ZNF521: variants seen among roughly 807,000 people sequenced by gnomAD.
ZNF521 encodes LYST-interacting protein 3.
Under a neutral mutation model 105.5 loss-of-function variants are expected in ZNF521, and 14 were observed. That is an observed-to-expected ratio of 0.13 (90% CI 0.09 to 0.21). The LOEUF is 0.21. Ranked by LOEUF, ZNF521 falls within the 10% of genes least tolerant of loss-of-function variation. ZNF521 has a pLI of 1.00. For missense variants in ZNF521, 1,233 were observed against 1,629.7 expected (o/e 0.76, Z 4.19); for synonymous variants, 635 against 606.0 (o/e 1.05, Z -0.70).
intron 5 of ZNF521, among the ~76,000 whole-genome samples, chr18:25,173,991 TAC>T (rs1490030230): frequency 6.6e-6 from 1 of 152,184 alleles, no homozygotes; most frequent in East Asian, 1.9e-4. Flanking sequence ...AGACTGAAAA[TAC>T]AGAGCACTAA....
chr18:25,284,910 G>GCGCGCACACA (rs1555658165), intron 3 of ZNF521, among the ~76,000 whole-genome samples: 4 of 148,602 alleles, frequency 2.7e-5, no homozygotes, highest in African/African-American at 9.8e-5. Flanking sequence ...GTGCGCGCGC[G>GCGCGCACACA]CACACACACA....
chr18:25,202,772 A>C (rs1019073711), intron 4 of ZNF521: 4 of 152,364 alleles, frequency 2.6e-5, no homozygotes, highest in Admixed American at 2.6e-4. Context: ...TAACTCAGAC[A>C]TTCTACTAAT....
chr18:25,243,271 C>T (rs995024326), intron 3 of ZNF521, among the ~76,000 whole-genome samples: 1 of 152,066 alleles, frequency 6.6e-6, no homozygotes. Context: ...CTTAAAAAGC[C>T]AAATTAAATG....
At chr18:25,185,342 C>A (rs558798858) in intron 5 of ZNF521, among the ~76,000 whole-genome samples, 1 of 152,078 alleles carries the variant, frequency 6.6e-6, no homozygotes, top group Non-Finnish European at 1.5e-5. Flanking sequence ...AACTGCAAAA[C>A]CACCCAGGGT....
chr18:25,305,932 T>A (rs1911948827), intron 3 of ZNF521, among the ~76,000 whole-genome samples: 1 of 152,252 alleles, frequency 6.6e-6, no homozygotes, highest in Admixed American at 6.5e-5. Flanking sequence ...TACCAGCTCA[T>A]TTAATTGCCA....
chr18:25,280,169 C>CA (rs879767022), intron 3 of ZNF521, among the ~76,000 whole-genome samples: 12 of 152,340 alleles, frequency 7.9e-5, no homozygotes, highest in Non-Finnish European at 1.3e-4. Context: ...GCAGCCCTGA[C>CA]AGATGGCCCT....
Position 25,224,533 on chromosome 18 carries a change from C to G in ZNF521, c.3385G>C (p.Gly1129Arg). The G allele has an allele frequency of 6.2e-7, 1 of 1,614,014 alleles. No individual in the cohort carries two copies. The highest frequency in any genetic ancestry group is 1.1e-5 in the South Asian group (1 of 91,066). ...GQNENLSAIE[G>R]KGKVGGLKTR... The stretch of plus-strand genomic sequence containing the variant: ...TTCAGTCCCCCCACCTTGCCTTTCC[C>G]CTCAATGGCACTCAGATTCTCATTC... Residue 1129 changes from glycine (G) to arginine (R), a missense_variant, in exon 4 of 8, where the codon GGG (glycine) becomes CGG (arginine). By Grantham distance (125) the Gly-to-Arg change is moderately radical. This residue lies in a region of ZNF521 where 614 missense variants were observed against 751.5 expected (regional missense o/e 0.82). Coordinates refer to ENST00000361524, the MANE Select transcript of ZNF521 (RefSeq NM_015461.3).
intron 5 of ZNF521, among the ~76,000 whole-genome samples, chr18:25,118,689 G>A (rs4800209): frequency 6.6e-6 from 1 of 151,906 alleles, no homozygotes; most frequent in African/African-American, 2.4e-5. Flanking sequence ...TTATAAAAAC[G>A]ATTCAGAAAG....
At chr18:25,217,438 T>C (rs1435519083) in intron 4 of ZNF521, among the ~76,000 whole-genome samples, 1 of 152,220 alleles carries the variant, frequency 6.6e-6, no homozygotes, top group Non-Finnish European at 1.5e-5. Flanking sequence ...CACAGGTTTC[T>C]TGCTTGAGTA....
At chr18:25,252,554 C>A (rs1600216361) in intron 3 of ZNF521, among the ~76,000 whole-genome samples, 1 of 151,810 alleles carries the variant, frequency 6.6e-6, no homozygotes, top group South Asian at 2.1e-4. Context: ...ACAAAGCAAT[C>A]CAGATCATAA....
chr18:25,181,307 A>G lies in ZNF521; in HGVS notation c.3658+13853T>C, dbSNP rs374999041. Among the ~76,000 whole-genome samples the G allele has an allele frequency of 3.3e-5, 5 of 152,302 alleles. No individual in the cohort carries two copies. In the East Asian group the frequency reaches 5.8e-4, roughly 18 times the overall value. ...GTTCACAATTTGACCTCAGAAACAT[A>G]GCAGTCCTGCAATGCCAGACAGCCT... is the stretch of plus-strand genomic sequence containing the variant. On this transcript the variant is annotated intron_variant, in intron 5 of 7. Coordinates refer to ENST00000361524, the MANE Select transcript of ZNF521 (RefSeq NM_015461.3).
chr18:25,174,176 A>G (rs1287837993), intron 5 of ZNF521, among the ~76,000 whole-genome samples: 2 of 152,192 alleles, frequency 1.3e-5, no homozygotes, highest in Non-Finnish European at 2.9e-5. Flanking sequence ...TGGAAAACAA[A>G]AAATCAGATC....
At chr18:25,305,923 ACCAG>A (rs1441375710) in intron 3 of ZNF521, among the ~76,000 whole-genome samples, 2 of 152,364 alleles carry the variant, frequency 1.3e-5, no homozygotes, top group African/African-American at 4.8e-5. Flanking sequence ...TGATACATCT[ACCAG>A]CTCATTTAAT....
chr18:25,082,918 G>A (rs1031460752), intron 7 of ZNF521, among the ~76,000 whole-genome samples: 2 of 150,100 alleles, frequency 1.3e-5, no homozygotes, highest in African/African-American at 2.5e-5. Context: ...ATATGAAAAA[G>A]TGAGAAAACG....
chr18:25,100,029 G>A, intron 5 of ZNF521, among the ~76,000 whole-genome samples: 1 of 151,840 alleles, frequency 6.6e-6, no homozygotes, highest in Non-Finnish European at 1.5e-5. Context: ...CATCAGGCAT[G>A]TTTTCCTGTT....
chr18:25,179,780 C>T (rs1444337985), intron 5 of ZNF521, among the ~76,000 whole-genome samples: 1 of 152,152 alleles, frequency 6.6e-6, no homozygotes, highest in Non-Finnish European at 1.5e-5. Flanking sequence ...ACACAAGACA[C>T]GGAGTGCTGC....
chr18:25,247,720 A>G (rs1907828972), intron 3 of ZNF521, among the ~76,000 whole-genome samples: 3 of 152,186 alleles, frequency 2.0e-5, no homozygotes, highest in African/African-American at 7.2e-5. Flanking sequence ...AAGGATTTCA[A>G]TCAGCAGAGA....
chr18:25,118,380 C>T (rs1169341427), intron 5 of ZNF521, among the ~76,000 whole-genome samples: 1 of 151,888 alleles, frequency 6.6e-6, no homozygotes, highest in Admixed American at 6.6e-5. Context: ...ATCTAGTATA[C>T]ATTAAATAAT....
intron 5 of ZNF521, among the ~76,000 whole-genome samples, chr18:25,095,824 T>C (rs565055331): frequency 4.3e-4 from 66 of 152,292 alleles, no homozygotes; most frequent in African/African-American, 1.5e-3. Flanking sequence ...ACTATCAGAA[T>C]GCAATTTAGC....
Sources: allele counts gnomAD v4.1 joint callset (sites outside exome capture counted in the v4.1 genomes callset), GRCh38; gene constraint gnomAD v4.1.1; regional missense constraint gnomAD v4.1.1; transcripts MANE v1.5; gene names NCBI Gene and HGNC (gene_info 2026-07-23, HGNC 2026-07-21).